DSCAM: variants seen among roughly 807,000 people sequenced by gnomAD.
DSCAM encodes the protein DS cell adhesion molecule.
DSCAM carries 47 observed loss-of-function variants against 217.7 expected under a neutral mutation model. That is an observed-to-expected ratio of 0.22 (90% CI 0.17 to 0.28). DSCAM has a LOEUF of 0.28. Among genes scored for constraint, DSCAM ranks in the 10% least tolerant of loss-of-function variants. The pLI is 1.00. For synonymous variants in DSCAM, 1,056 were observed against 1,015.3 expected (o/e 1.04, Z -0.76); for missense variants, 2,080 against 2,618.3 (o/e 0.79, Z 4.49).
chr21:40,484,242 G>A (rs528087357), intron 3 of DSCAM, among the ~76,000 whole-genome samples: 1 of 152,350 alleles, frequency 6.6e-6, no homozygotes, highest in African/African-American at 2.4e-5. Context: ...AAAGGTGGAA[G>A]TGGGCAGAAA....
chr21:40,505,477 A>G (rs563946114), intron 3 of DSCAM, among the ~76,000 whole-genome samples: 13 of 152,306 alleles, frequency 8.5e-5, no homozygotes, highest in Middle Eastern at 6.8e-3. Context: ...AAATTCTAAG[A>G]AGAAGTCTAC....
At chr21:40,779,259 C>T (rs184830463) in intron 1 of DSCAM, among the ~76,000 whole-genome samples, 18 of 152,146 alleles carry the variant, frequency 1.2e-4, no homozygotes, top group Admixed American at 6.5e-4. Context: ...AGAGGCAAGA[C>T]GGGCTATTAG....
intron 32 of DSCAM, among the ~76,000 whole-genome samples, chr21:40,040,927 GAAA>G (rs5741836): frequency 6.1e-5 from 9 of 147,280 alleles, no homozygotes; most frequent in Non-Finnish European, 6.0e-5. Flanking sequence ...CCAACAACAC[GAAA>G]AAAAAAAAAT....
chr21:40,437,199 T>C (rs995884905), intron 3 of DSCAM, among the ~76,000 whole-genome samples: 2 of 152,116 alleles, frequency 1.3e-5, no homozygotes, highest in Non-Finnish European at 2.9e-5. Flanking sequence ...AGAAGGGGTG[T>C]AGACAGGCTC....
chr21:40,505,330 T>C lies in DSCAM; in HGVS notation c.509-136085A>G, dbSNP rs568738066. On this transcript the variant is annotated intron_variant, in intron 3 of 32. Transcript: ENST00000400454. ...GGAAAACAGGATAGAGTTATTTCCA[T>C]GTAGTTGAGTATTGTTACATGCTAA... Among the ~76,000 whole-genome samples the C allele has an allele frequency of 3.1e-3, 473 of 152,316 alleles. 1 individual carries two copies. Among genetic ancestry groups the C allele is most frequent in the Non-Finnish European group, 5.5e-3 (373 of 68,028 alleles).
At chr21:40,617,326 A>G (rs1256608662) in intron 3 of DSCAM, among the ~76,000 whole-genome samples, 4 of 151,720 alleles carry the variant, frequency 2.6e-5, no homozygotes, top group Admixed American at 1.3e-4. Flanking sequence ...GGGTTTCACC[A>G]TGTTAGCCAG....
chr21:40,401,306 G>A (rs549174121), intron 3 of DSCAM, among the ~76,000 whole-genome samples: 1 of 152,258 alleles, frequency 6.6e-6, no homozygotes, highest in South Asian at 2.1e-4. Flanking sequence ...TTTCCTCACA[G>A]AGGCTATTAA....
intron 1 of DSCAM, among the ~76,000 whole-genome samples, chr21:40,806,930 G>C (rs1220634924): frequency 6.6e-6 from 1 of 152,080 alleles, no homozygotes; most frequent in African/African-American, 2.4e-5. Context: ...TGGACATGGG[G>C]AGGGGAACAT....
chr21:40,393,032 A>C (rs1361655170), intron 3 of DSCAM, among the ~76,000 whole-genome samples: 2 of 152,268 alleles, frequency 1.3e-5, no homozygotes, highest in Non-Finnish European at 2.9e-5. Flanking sequence ...CTTCCTTGAC[A>C]TCAAGTGTAA....
intron 11 of DSCAM, among the ~76,000 whole-genome samples, chr21:40,261,462 C>T (rs1395178666): frequency 6.6e-6 from 1 of 152,076 alleles, no homozygotes; most frequent in East Asian, 1.9e-4. Context: ...AGAAACTCTG[C>T]CTGCCTGATG....
Position 40,078,833 on chromosome 21 carries a change from G to C in DSCAM, c.4565C>G (p.Thr1522Ser), listed in dbSNP as rs1358541038. 6.2e-7 allele frequency: 1 copy of C among 1,614,240 alleles called. No homozygotes were observed. Residue 1522 changes from threonine to serine, a missense_variant, in exon 26 of 33, where the codon ACC (threonine) becomes AGC (serine). Thr to Ser is a moderately conservative substitution (Grantham distance 58). This residue lies in a region of DSCAM where 1,144 missense variants were observed against 1,421.1 expected (regional missense o/e 0.81). Transcript: ENST00000400454. ...GGAGAGAGAGGTCCTCTGAGCTGTG[G>C]TCCAAACTGTGGTCCCAAAGGGCCT... ...EYRPFGTTVW[T>S]TAQRTSLSKS...
intron 6 of DSCAM, 32 bp downstream of exon 6, chr21:40,347,638 T>C (rs768597196): frequency 1.4e-5 from 22 of 1,611,142 alleles, no homozygotes; most frequent in Admixed American, 3.3e-5. Context: ...TGGGTTCTTT[T>C]TCAGCCATAC....
At chr21:40,834,799 A>G (rs1242421958) in intron 1 of DSCAM, among the ~76,000 whole-genome samples, 2 of 152,168 alleles carry the variant, frequency 1.3e-5, no homozygotes, top group African/African-American at 4.8e-5. Context: ...CCCCAGGAAA[A>G]TACAGCTTTC....
intron 1 of DSCAM, among the ~76,000 whole-genome samples, chr21:40,712,152 T>C (rs541604213): frequency 2.0e-4 from 31 of 152,310 alleles, no homozygotes; most frequent in Admixed American, 5.2e-4. Context: ...AATTATTACA[T>C]TGAATAAGGC....
intron 3 of DSCAM, among the ~76,000 whole-genome samples, chr21:40,436,907 A>G (rs899754778): frequency 4.6e-5 from 7 of 152,162 alleles, no homozygotes; most frequent in African/African-American, 1.7e-4. Flanking sequence ...GGTGTTTAAT[A>G]AGTTATTGTA....
intron 19 of DSCAM, among the ~76,000 whole-genome samples, chr21:40,127,350 C>T (rs901111692): frequency 4.6e-5 from 7 of 152,270 alleles, no homozygotes; most frequent in South Asian, 2.1e-4. Flanking sequence ...GAGTAAAAAA[C>T]GGTATATGTC....
intron 11 of DSCAM, among the ~76,000 whole-genome samples, chr21:40,236,853 C>G (rs1335293932): frequency 2.0e-5 from 3 of 152,148 alleles, no homozygotes; most frequent in Non-Finnish European, 4.4e-5. Context: ...AGGAGGCTGC[C>G]AATGTCACCA....
chr21:40,814,537 G>A (rs757555421), intron 1 of DSCAM, among the ~76,000 whole-genome samples: 3 of 152,184 alleles, frequency 2.0e-5, no homozygotes, highest in Non-Finnish European at 2.9e-5. Flanking sequence ...CACAAGGATT[G>A]ATGAGGAAGG....
intron 15 of DSCAM, among the ~76,000 whole-genome samples, chr21:40,176,579 T>A (rs908217657): frequency 2.0e-5 from 3 of 152,156 alleles, no homozygotes; most frequent in Non-Finnish European, 4.4e-5. Flanking sequence ...AAGTCACACA[T>A]GGGAAATTGA....
Sources: allele counts gnomAD v4.1 joint callset (sites outside exome capture counted in the v4.1 genomes callset), GRCh38; gene constraint gnomAD v4.1.1; regional missense constraint gnomAD v4.1.1; transcripts MANE v1.5; gene names NCBI Gene and HGNC (gene_info 2026-07-23, HGNC 2026-07-21).